LAMA2: variants seen among roughly 807,000 people sequenced by gnomAD.
LAMA2 encodes laminin subunit alpha-2.
A neutral mutation model predicts 364.8 loss-of-function variants in LAMA2; 269 were observed. That is an observed-to-expected ratio of 0.74 (90% CI 0.67 to 0.82). LAMA2 has a LOEUF of 0.82. Among genes scored for constraint, LAMA2 ranks in the 40% least tolerant of loss-of-function variants. The probability of loss-of-function intolerance (pLI) is 0.00; values close to 1 mark genes in which losing one functional copy is unlikely to be tolerated. For missense variants in LAMA2, 3,807 were observed against 3,873.2 expected (o/e 0.98, Z 0.45); for synonymous variants, 1,379 against 1,370.6 (o/e 1.01, Z -0.14).
In LAMA2 at chr6:129,426,238, A is replaced by G. The variant is rs1781318480; in HGVS notation, c.5866-1514A>G. ...CTCTTCTCTTTGCTCATTGTCGGAC[A>G]GATTGTCAGCTGTCACTTCTGCTGT... On this transcript the variant is annotated intron_variant, in intron 40 of 64. Transcript: ENST00000421865. Among the ~76,000 whole-genome samples the G allele has an allele frequency of 3.3e-5, 5 of 152,274 alleles. No individual in the cohort carries two copies. The South Asian group carries it at 1.0e-3, about 32-fold the overall frequency.
chr6:129,183,208 T>A (rs1053485313), intron 10 of LAMA2, among the ~76,000 whole-genome samples: 1 of 152,018 alleles, frequency 6.6e-6, no homozygotes, highest in Non-Finnish European at 1.5e-5. Context: ...CTATAAGTGC[T>A]GTCTGACTCT....
Position 129,320,741 on chromosome 6 carries a change from C to T in LAMA2, c.4176+86C>T, listed in dbSNP as rs371384268. The T allele has an allele frequency of 1.6e-4, 122 of 755,188 alleles. No individual in the cohort carries two copies. In the South Asian group the frequency reaches 1.6e-3, roughly 10 times the overall value. The allele number at this position is 755,188 out of a possible 1,614,324, so 46.8% of individuals were successfully genotyped here. A position where few individuals can be genotyped will look rare whatever the true frequency, so the allele number is the denominator to read the frequency against. On this transcript the variant is annotated intron_variant, in intron 28 of 64. Coordinates refer to ENST00000421865, the MANE Select transcript of LAMA2 (RefSeq NM_000426.4). ...CTCCCAGAAGTACCTTTACTGCATA[C>T]ATATTCTTAATCTATTTTATTTAAT... is the stretch of plus-strand genomic sequence containing the variant.
At chr6:129,131,816 T>C (rs2114937115) in intron 4 of LAMA2, among the ~76,000 whole-genome samples, 1 of 152,342 alleles carries the variant, frequency 6.6e-6, no homozygotes, top group East Asian at 1.9e-4. Flanking sequence ...AACACTTTCT[T>C]AGAACTTTGA....
intron 29 of LAMA2, among the ~76,000 whole-genome samples, chr6:129,330,929 C>T (rs561907444): frequency 6.9e-4 from 104 of 151,730 alleles, no homozygotes; most frequent in Non-Finnish European, 1.2e-3. Flanking sequence ...AGTGCAGTGA[C>T]GCGATCTCAG....
intron 56 of LAMA2, among the ~76,000 whole-genome samples, chr6:129,489,918 C>A (rs982484953): frequency 1.9e-5 from 2 of 106,488 alleles, no homozygotes; most frequent in African/African-American, 6.1e-5. Context: ...AAGAATCAGC[C>A]ACTGAAACTG....
chr6:129,137,781 A>G (rs1449698264), intron 4 of LAMA2, among the ~76,000 whole-genome samples: 1 of 152,130 alleles, frequency 6.6e-6, no homozygotes, highest in African/African-American at 2.4e-5. Context: ...ACAAATAATT[A>G]CTGATAATAT....
At chr6:129,455,823 A>G (rs1782932494) in intron 47 of LAMA2, among the ~76,000 whole-genome samples, 1 of 152,180 alleles carries the variant, frequency 6.6e-6, no homozygotes, top group Admixed American at 6.6e-5. Context: ...AGACTACTTC[A>G]ACAAACTGGG....
chr6:129,330,590 TGGTTTTTG>T (rs1775574388), intron 29 of LAMA2, among the ~76,000 whole-genome samples: 1 of 74,916 alleles, frequency 1.3e-5, no homozygotes, highest in Non-Finnish European at 2.6e-5. Context: ...TGTTGTTGTT[TGGTTTTTG>T]TTTTTTTTTT....
intron 14 of LAMA2, 105 bp from the exon 15 acceptor site, chr6:129,260,606 T>C (rs1488706987): frequency 1.7e-5 from 13 of 782,006 alleles, no homozygotes; most frequent in South Asian, 1.2e-4. Flanking sequence ...TTTCTCAGCA[T>C]GCATAATTGG....
chr6:129,087,893 AT>A (rs1774478489), intron 3 of LAMA2, among the ~76,000 whole-genome samples: 1 of 150,870 alleles, frequency 6.6e-6, no homozygotes, highest in Admixed American at 6.6e-5. Flanking sequence ...TTTTAATTTA[AT>A]TTTATTTATT....
At chr6:129,446,321 A>G (rs1782371860) in intron 45 of LAMA2, among the ~76,000 whole-genome samples, 1 of 151,156 alleles carries the variant, frequency 6.6e-6, no homozygotes, top group Non-Finnish European at 1.5e-5. Flanking sequence ...TACTTTTTAC[A>G]TTTATTTTTT....
At chr6:129,382,633 C>A (rs1355860145) in intron 34 of LAMA2, among the ~76,000 whole-genome samples, 1 of 152,224 alleles carries the variant, frequency 6.6e-6, no homozygotes. Context: ...CTAAGCATTT[C>A]TCCCTCTTTG....
intron 41 of LAMA2, among the ~76,000 whole-genome samples, chr6:129,434,009 C>T (rs1781722857): frequency 6.6e-6 from 1 of 152,160 alleles, no homozygotes; most frequent in African/African-American, 2.4e-5. Context: ...TCTTCCAACT[C>T]TGTGTCCTAT....
intron 1 of LAMA2, among the ~76,000 whole-genome samples, chr6:128,966,408 C>T (rs1051828508): frequency 1.3e-5 from 2 of 152,010 alleles, no homozygotes; most frequent in African/African-American, 4.8e-5. Flanking sequence ...CTTCTGTGAA[C>T]AACTTCTTGA....
chr6:129,158,567 G>A (rs770164936), intron 8 of LAMA2: 11 of 1,613,912 alleles, frequency 6.8e-6, no homozygotes, highest in Non-Finnish European at 9.3e-6. Context: ...AACGACGTCT[G>A]CTTGAGATGC....
intron 30 of LAMA2, among the ~76,000 whole-genome samples, chr6:129,345,568 G>A (rs1266061229): frequency 6.6e-6 from 1 of 152,052 alleles, no homozygotes; most frequent in Non-Finnish European, 1.5e-5. Flanking sequence ...AAAAGACCCT[G>A]AAAGAATCAA....
chr6:129,378,877 C>T (rs527578542), intron 34 of LAMA2, among the ~76,000 whole-genome samples: 43 of 152,230 alleles, frequency 2.8e-4, no homozygotes, highest in African/African-American at 6.7e-4. Context: ...GTGAGACACA[C>T]GAGAGTGCTG....
At chr6:129,329,554 G>T (rs1775505331) in intron 29 of LAMA2, among the ~76,000 whole-genome samples, 1 of 152,018 alleles carries the variant, frequency 6.6e-6, no homozygotes. Flanking sequence ...TAGAGACGGG[G>T]TTTCACCATG....
In LAMA2 at chr6:129,048,440, TTTTCTTTCTTTCTTTC is replaced by T. The variant is rs1271730400; in HGVS notation, c.113-1437_113-1422del. 4.5e-3 allele frequency among the ~76,000 whole-genome samples: 469 copies of T among 103,930 alleles called. 10 individuals carry two copies. The highest frequency in any genetic ancestry group is 0.015 in the African/African-American group (384 of 25,334). 68.2% of individuals were successfully genotyped at this position (103,930 alleles called of 152,430 possible). ...TTTAGTCAGGAAGGTTTCTTTTTTCTTTTCTTTCTTTCTTTCTTTCTTTCTTTCTTTCTTTCTTTCT... is the reference window on the plus strand; with the variant it reads ...TTTAGTCAGGAAGGTTTCTTTTTTCTTTTCTTTCTTTCTTTCTTTCTTTCT... On this transcript the variant is annotated intron_variant, in intron 1 of 64. Coordinates refer to ENST00000421865, the MANE Select transcript of LAMA2 (RefSeq NM_000426.4).
Sources: allele counts gnomAD v4.1 joint callset (sites outside exome capture counted in the v4.1 genomes callset), GRCh38; gene constraint gnomAD v4.1.1; transcripts MANE v1.5; gene names NCBI Gene and HGNC (gene_info 2026-07-23, HGNC 2026-07-21).